Variants in COMMD10 observed in about 807,000 individuals in gnomAD.
The protein encoded by COMMD10 is COMM domain-containing protein 10.
A neutral mutation model predicts 28.9 loss-of-function variants in COMMD10; 33 were observed. The observed-to-expected ratio is 1.14, with a 90% CI of 0.87 to 1.53. COMMD10 has a LOEUF of 1.53. Among genes scored for constraint, COMMD10 ranks in the 40% most tolerant of loss-of-function variants. The pLI, the probability that COMMD10 is intolerant of heterozygous loss-of-function variation, is 0.00. For synonymous variants in COMMD10, 110 were observed against 81.7 expected (o/e 1.35, Z -1.87); for missense variants, 310 against 233.4 (o/e 1.33, Z -2.14).
chr5:116,250,616 C>T (rs1750085086), intron 5 of COMMD10, among the ~76,000 whole-genome samples: 1 of 151,768 alleles, frequency 6.6e-6, no homozygotes, highest in African/African-American at 2.4e-5. Flanking sequence ...GAGAGACTTA[C>T]TAGCACTTGG....
At chr5:116,248,433 A>G (rs537525102) in intron 5 of COMMD10, among the ~76,000 whole-genome samples, 370 of 152,194 alleles carry the variant, frequency 2.4e-3, no homozygotes, top group Non-Finnish European at 4.3e-3. Flanking sequence ...AAGGTTATTT[A>G]CAACAAAGAC....
chr5:116,288,909 T>C (rs1751290395), intron 5 of COMMD10, among the ~76,000 whole-genome samples: 2 of 138,832 alleles, frequency 1.4e-5, no homozygotes, highest in African/African-American at 5.5e-5. Flanking sequence ...TGTGAGACAG[T>C]CTCACTTTAC....
intron 5 of COMMD10, among the ~76,000 whole-genome samples, chr5:116,148,073 C>T (rs1282708699): frequency 6.6e-6 from 1 of 151,710 alleles, no homozygotes; most frequent in South Asian, 2.1e-4. Flanking sequence ...AATAGTCCTT[C>T]AGCAGTACAT....
chr5:116,158,175 G>C (rs1457015005), intron 5 of COMMD10, among the ~76,000 whole-genome samples: 5 of 882 alleles, frequency 5.7e-3, no homozygotes, highest in East Asian at 0.013. Context: ...CTCTCCCTCC[G>C]TCTCCCCTCT....
rs372171017 is a variant in COMMD10 at position 116,154,419 on chromosome 5, G to A, written c.510+20241G>A. 5.3e-4 allele frequency among the ~76,000 whole-genome samples: 81 copies of A among 152,146 alleles called. No homozygotes were observed. In the East Asian group the frequency reaches 9.1e-3, roughly 17 times the overall value. On this transcript the variant is annotated intron_variant, in intron 5 of 6. Coordinates refer to ENST00000274458, the MANE Select transcript of COMMD10 (RefSeq NM_016144.4). Reference sequence around the variant, plus strand: ...TTGCATAAAAGTGTAAACATTTCCTGAGCAATGCAATATGTGGCCACCAGT... The same window carrying A: ...TTGCATAAAAGTGTAAACATTTCCTAAGCAATGCAATATGTGGCCACCAGT...
chr5:116,222,466 T>G (rs1382339), intron 5 of COMMD10, among the ~76,000 whole-genome samples: 16,095 of 152,132 alleles, frequency 0.11, 939 homozygotes, highest in African/African-American at 0.15. Flanking sequence ...AATTGACTCA[T>G]TGACTCATCT....
rs184488842 is a variant in COMMD10 at position 116,123,820 on chromosome 5, T to G, written c.400-10248T>G. On this transcript the variant is annotated intron_variant, in intron 4 of 6. Coordinates refer to ENST00000274458, the MANE Select transcript of COMMD10 (RefSeq NM_016144.4). The stretch of plus-strand genomic sequence containing the variant: ...TGGGAGGGTGTATGTGTCCAGGAAT[T>G]TATCCATTTCTTCTAGATTTTCTAG... 2.6e-5 allele frequency among the ~76,000 whole-genome samples: 4 copies of G among 152,264 alleles called. No individual in the cohort carries two copies. The East Asian group carries it at 7.7e-4, about 29-fold the overall frequency.
At chr5:116,221,172 C>T (rs1347451964) in intron 5 of COMMD10, among the ~76,000 whole-genome samples, 1 of 151,392 alleles carries the variant, frequency 6.6e-6, no homozygotes, top group African/African-American at 2.4e-5. Flanking sequence ...CTACAGGCAC[C>T]AGCTGGTCTG....
chr5:116,142,725 G>A (rs576187700), intron 5 of COMMD10, among the ~76,000 whole-genome samples: 19 of 151,642 alleles, frequency 1.3e-4, no homozygotes, highest in African/African-American at 4.6e-4. Flanking sequence ...TTAAACTTTT[G>A]TATTACTTTA....
At chr5:116,136,480 A>G (rs909642242) in intron 5 of COMMD10, among the ~76,000 whole-genome samples, 3 of 152,226 alleles carry the variant, frequency 2.0e-5, no homozygotes, top group East Asian at 3.8e-4. Flanking sequence ...GACCACATAC[A>G]TTGGATATGC....
chr5:116,090,303 C>T (rs533963102), intron 2 of COMMD10, among the ~76,000 whole-genome samples: 16 of 152,174 alleles, frequency 1.1e-4, no homozygotes, highest in Admixed American at 2.6e-4. Flanking sequence ...TGGTATTTAA[C>T]GTCCAGGGAC....
intron 5 of COMMD10, among the ~76,000 whole-genome samples, chr5:116,271,256 TC>T (rs199795251): frequency 0.029 from 4,166 of 146,144 alleles, 247 homozygotes; most frequent in African/African-American, 0.099. Context: ...CAATTTTTTT[TC>T]CTGTTTAAGC....
intron 5 of COMMD10, among the ~76,000 whole-genome samples, chr5:116,244,648 A>C (rs1749893868): frequency 7.0e-6 from 1 of 142,996 alleles, no homozygotes; most frequent in African/African-American, 2.8e-5. Context: ...CAAGTAAGGA[A>C]AAAAAAAATT....
chr5:116,248,563 GGTTTT>G (rs1380763699), intron 5 of COMMD10, among the ~76,000 whole-genome samples: 4 of 151,754 alleles, frequency 2.6e-5, no homozygotes, highest in South Asian at 4.2e-4. Flanking sequence ...GTTGTAATTT[GGTTTT>G]GTTTTGTTTT....
intron 5 of COMMD10, among the ~76,000 whole-genome samples, chr5:116,178,049 C>T (rs559013217): frequency 6.6e-6 from 1 of 152,122 alleles, no homozygotes; most frequent in Non-Finnish European, 1.5e-5. Context: ...GTTATTTGGG[C>T]TCTTTTGTGT....
chr5:116,098,995 TCTA>T (rs1750559808), intron 4 of COMMD10, among the ~76,000 whole-genome samples: 1 of 152,198 alleles, frequency 6.6e-6, no homozygotes, highest in Non-Finnish European at 1.5e-5. Context: ...ACATTTAAGA[TCTA>T]CTGTCTTTGA....
rs544637068 is a variant in COMMD10, at chr5:116,251,567, G to T, written c.511-39950G>T. On this transcript the variant is annotated intron_variant, in intron 5 of 6. Transcript: ENST00000274458. Reference sequence around the variant, plus strand: ...GTTTGGTTTTTTTGTTCTTGCGATAGTTTACTGAGAATGATGATTTCCAAT... The same window carrying T: ...GTTTGGTTTTTTTGTTCTTGCGATATTTTACTGAGAATGATGATTTCCAAT... Among the ~76,000 whole-genome samples, 5 of 150,314 alleles carry T rather than the reference G, an allele frequency of 3.3e-5. No homozygotes were observed. In the South Asian group the frequency reaches 1.1e-3, roughly 32 times the overall value.
chr5:116,281,970 T>C (rs1384824560), intron 5 of COMMD10, among the ~76,000 whole-genome samples: 1 of 151,874 alleles, frequency 6.6e-6, no homozygotes, highest in Admixed American at 6.6e-5. Flanking sequence ...TCATGTACTT[T>C]CATGGTTTTA....
At chr5:116,094,106 C>G (rs1750392359) in intron 4 of COMMD10, among the ~76,000 whole-genome samples, 1 of 152,140 alleles carries the variant, frequency 6.6e-6, no homozygotes, top group Non-Finnish European at 1.5e-5. Context: ...GGACATTTGT[C>G]TAGGCAAAAA....
Sources: gnomAD v4.1 joint callset for allele counts (sites outside exome capture counted in the v4.1 genomes callset) on GRCh38, gnomAD v4.1.1 for gene constraint, MANE v1.5 for transcripts, NCBI Gene and HGNC (gene_info 2026-07-23, HGNC 2026-07-21) for gene names.